Variants in FLI1 observed in about 807,000 individuals in gnomAD.
FLI1 encodes the protein Fli-1 proto-oncogene, ETS transcription factor.
Under a neutral mutation model 53.1 loss-of-function variants are expected in FLI1, and 13 were observed. That is an observed-to-expected ratio of 0.24 (90% confidence interval 0.16 to 0.39). The LOEUF is 0.39. FLI1 is among the 10% of genes least tolerant of loss of function. FLI1 has a pLI of 1.00. For missense variants in FLI1, 424 were observed against 600.5 expected (o/e 0.71, Z 3.07); for synonymous variants, 244 against 236.7 (o/e 1.03, Z -0.28).
At chr11:128,754,914 G>T (rs1940802575) in intron 1 of FLI1, among the ~76,000 whole-genome samples, 1 of 152,190 alleles carries the variant, frequency 6.6e-6, no homozygotes, top group Non-Finnish European at 1.5e-5. Context: ...CATTCTTAAG[G>T]AAACTTCTAT....
At chr11:128,805,081 G>C (rs1942740460) in intron 5 of FLI1, 1 of 328,300 alleles carries the variant, frequency 3.0e-6, no homozygotes, top group Non-Finnish European at 5.5e-6. Flanking sequence ...TTCATCCCAG[G>C]TTTCACAACA....
At chr11:128,759,157 G>C (rs926823340) in intron 2 of FLI1, among the ~76,000 whole-genome samples, 7 of 152,236 alleles carry the variant, frequency 4.6e-5, no homozygotes, top group Non-Finnish European at 8.8e-5. Context: ...TATGAGCAAA[G>C]ACTTGAAAGA....
At chr11:128,779,817 T>A (rs1370660473) in intron 4 of FLI1, among the ~76,000 whole-genome samples, 3 of 152,224 alleles carry the variant, frequency 2.0e-5, no homozygotes, top group Non-Finnish European at 4.4e-5. Context: ...TAGTTCATCT[T>A]CATGTGAATA....
upstream of FLI1, among the ~76,000 whole-genome samples, chr11:128,689,000 A>T (rs546624627): frequency 2.5e-4 from 38 of 152,292 alleles, no homozygotes; most frequent in African/African-American, 8.9e-4. Flanking sequence ...GAGTAATGAC[A>T]AAGTTGTGCT....
At chr11:128,753,449 TG>T (rs1483219276) in intron 1 of FLI1, among the ~76,000 whole-genome samples, 1 of 152,216 alleles carries the variant, frequency 6.6e-6, no homozygotes, top group East Asian at 1.9e-4. Context: ...ACGGAAGGAA[TG>T]TAGTCCCTCT....
chr11:128,755,698 T>G (rs918410714), intron 1 of FLI1, among the ~76,000 whole-genome samples: 1 of 152,218 alleles, frequency 6.6e-6, no homozygotes, highest in African/African-American at 2.4e-5. Flanking sequence ...TGAGCATGAC[T>G]CAAGGGCATC....
intron 2 of FLI1, among the ~76,000 whole-genome samples, chr11:128,758,861 T>C (rs531894): frequency 0.43 from 65,838 of 151,984 alleles, 14,525 homozygotes; most frequent in East Asian, 0.64. Context: ...ACTGGGTCAG[T>C]TCGGGCTTTG....
chr11:128,739,488 G>T (rs552585025), intron 1 of FLI1, among the ~76,000 whole-genome samples: 1 of 152,122 alleles, frequency 6.6e-6, no homozygotes, highest in South Asian at 2.1e-4. Flanking sequence ...CCTTCAAAAG[G>T]CATTTTAATT....
chr11:128,689,810 G>A (rs1591720079), upstream of FLI1, among the ~76,000 whole-genome samples: 1 of 152,174 alleles, frequency 6.6e-6, no homozygotes, highest in Non-Finnish European at 1.5e-5. Flanking sequence ...CCTCAGCGAC[G>A]CCGCGTGGTC....
chr11:128,772,915 G>C lies in FLI1; in HGVS notation c.519G>C (p.Glu173Asp). The change falls in exon 4 of 9, where the codon GAG becomes GAC. Residue 173 changes from glutamate (E) to aspartate (D), a missense_variant. By Grantham distance (45) the Glu-to-Asp change is conservative (BLOSUM62 2). This residue lies in a region of FLI1 where 114 missense variants were observed against 117.9 expected (regional missense o/e 0.97). Transcript: ENST00000527786. ...DGKELCKMNK[E>D]DFLRATTLYN... ...AGGAACTGTGTAAAATGAACAAGGA[G>C]GACTTCCTCCGCGCCACCACCCTCT... The C allele has an allele frequency of 6.2e-7, 1 of 1,614,044 alleles. No homozygotes were observed. Among genetic ancestry groups the C allele is most frequent in the Non-Finnish European group, 8.5e-7 (1 of 1,179,890 alleles).
intron 1 of FLI1, among the ~76,000 whole-genome samples, chr11:128,729,854 A>T (rs1485344948): frequency 1.3e-5 from 2 of 152,176 alleles, no homozygotes; most frequent in Non-Finnish European, 2.9e-5. Flanking sequence ...TGCTAAAGAG[A>T]TGCTTATTTT....
chr11:128,700,029 A>C, intron 1 of FLI1, among the ~76,000 whole-genome samples: 1 of 152,228 alleles, frequency 6.6e-6, no homozygotes, highest in Non-Finnish European at 1.5e-5. Flanking sequence ...GATAAGCCAC[A>C]TATGTGTGCC....
intron 5 of FLI1, among the ~76,000 whole-genome samples, chr11:128,784,844 AAGAGCACC>A (rs1214241964): frequency 1.3e-5 from 2 of 151,610 alleles, no homozygotes; most frequent in Non-Finnish European, 2.9e-5. Flanking sequence ...AGAGTTCATC[AAGAGCACC>A]AGAGCTGTGT....
intron 1 of FLI1, among the ~76,000 whole-genome samples, chr11:128,739,730 GA>G (rs148798146): frequency 4.0e-5 from 6 of 150,024 alleles, no homozygotes; most frequent in East Asian, 1.9e-4. Context: ...ATTTTACTTC[GA>G]AAAAAAAATG....
chr11:128,726,472 A>C (rs1413605396), intron 1 of FLI1, among the ~76,000 whole-genome samples: 1 of 152,094 alleles, frequency 6.6e-6, no homozygotes, highest in East Asian at 1.9e-4. Flanking sequence ...AAAGATGAAG[A>C]CTGGAGAAGG....
chr11:128,761,498 T>G (rs1398316906), intron 2 of FLI1, among the ~76,000 whole-genome samples: 3 of 152,142 alleles, frequency 2.0e-5, no homozygotes, highest in African/African-American at 7.2e-5. Flanking sequence ...AGGTGCTTGT[T>G]TAAAGTTAGG....
At chr11:128,687,819 C>T (rs1937605054) in intron 1 of FLI1, among the ~76,000 whole-genome samples, 2 of 152,166 alleles carry the variant, frequency 1.3e-5, no homozygotes, top group East Asian at 1.9e-4. Flanking sequence ...AAGGGAAGGC[C>T]TAATCCTAGA....
chr11:128,802,236 C>A (rs1341986518), intron 5 of FLI1, among the ~76,000 whole-genome samples: 1 of 152,178 alleles, frequency 6.6e-6, no homozygotes, highest in Non-Finnish European at 1.5e-5. Context: ...TTCTTTGGAG[C>A]AGAAATTGCT....
chr11:128,810,514 C>G lies in FLI1; in HGVS notation c.885C>G (p.Ala295=). 2 of 1,609,058 alleles carry G rather than the reference C, an allele frequency of 1.2e-6. No homozygotes were observed. Among genetic ancestry groups the G allele is most frequent in the Non-Finnish European group, 1.7e-6 (2 of 1,177,652 alleles). ...TCCTGGAGCTGCTCTCCGACAGCGC[C>G]AACGCCAGCTGTATCACCTGGGAGG... The part of the protein sequence containing the change: ...QFLLELLSDS[A]NASCITWEGT... Residue 295 remains alanine (A), a synonymous_variant, in exon 9 of 9, where the codon GCC becomes GCG. Transcript: ENST00000527786. This position sits in a 1 kb window ranked among gnomAD's most constrained non-coding sequence, Gnocchi z 6.6.
Sources: allele counts gnomAD v4.1 joint callset (sites outside exome capture counted in the v4.1 genomes callset), GRCh38; gene constraint gnomAD v4.1.1; regional missense constraint gnomAD v4.1.1; non-coding constraint Gnocchi (gnomAD v3.1); transcripts MANE v1.5; gene names NCBI Gene and HGNC (gene_info 2026-07-23, HGNC 2026-07-21).